Variants in SVBP observed in about 807,000 individuals in gnomAD.
SVBP encodes the protein small vasohibin binding protein, also known as small vasohibin-binding protein.
In SVBP, 9 loss-of-function variants were observed where a neutral mutation model predicts 9.2. The ratio of observed to expected loss-of-function variants is 0.98; its 90% confidence interval spans 0.59 to 1.71. The LOEUF is 1.71. Ranked by LOEUF, SVBP falls within the 40% of genes most tolerant of loss-of-function variation. The probability of loss-of-function intolerance (pLI) is 0.00; values close to 1 mark genes in which losing one functional copy is unlikely to be tolerated. For missense variants in SVBP, 63 were observed against 73.2 expected (o/e 0.86, Z 0.51); for synonymous variants, 27 against 23.9 (o/e 1.13, Z -0.37).
intron 2 of SVBP, among the ~76,000 whole-genome samples, chr1:42,811,555 C>T (rs578195123): frequency 6.6e-6 from 1 of 152,198 alleles, no homozygotes; most frequent in Non-Finnish European, 1.5e-5. Flanking sequence ...ACAATAAGAG[C>T]AGGCTGCCTG....
chr1:42,814,771 G>A (rs1354244021), intron 2 of SVBP, among the ~76,000 whole-genome samples: 1 of 152,190 alleles, frequency 6.6e-6, no homozygotes, highest in African/African-American at 2.4e-5. Context: ...CTGTTGGTGG[G>A]ACTGTAAACT....
chr1:42,811,492 T>C (rs900388214), intron 2 of SVBP, among the ~76,000 whole-genome samples: 1 of 152,134 alleles, frequency 6.6e-6, no homozygotes, highest in Non-Finnish European at 1.5e-5. Flanking sequence ...TGCAGCAACG[T>C]TGCATTTCAG....
intron 2 of SVBP, 99 bp downstream of exon 2, chr1:42,816,332 C>A: frequency 2.3e-6 from 2 of 865,794 alleles, no homozygotes; most frequent in Non-Finnish European, 3.7e-6. Context: ...TGCCTGGAGG[C>A]AAGTATGGCT....
At chr1:42,813,744 C>A in intron 2 of SVBP, 1 of 529,736 alleles carries the variant, frequency 1.9e-6, no homozygotes, top group South Asian at 1.4e-5. Context: ...TTTCTCTGAT[C>A]AATGGTTTTC....
At chr1:42,807,747 C>T (rs1412525265) in intron 2 of SVBP, among the ~76,000 whole-genome samples, 2 of 152,032 alleles carry the variant, frequency 1.3e-5, no homozygotes, top group Admixed American at 1.3e-4. Flanking sequence ...GAAAACAAGT[C>T]TCTTCAGCAA....
intron 2 of SVBP, among the ~76,000 whole-genome samples, chr1:42,810,914 C>T (rs1171141668): frequency 3.9e-5 from 6 of 152,032 alleles, no homozygotes; most frequent in Admixed American, 2.6e-4. Flanking sequence ...CCGAGGTGTG[C>T]GGATCACTTG....
chr1:42,815,300 T>C (rs2124254169), intron 2 of SVBP, among the ~76,000 whole-genome samples: 1 of 150,810 alleles, frequency 6.6e-6, no homozygotes, highest in South Asian at 2.1e-4. Context: ...CACACCAACA[T>C]GGCACATGTA....
Position 42,816,413 on chromosome 1 carries a change from C to G in SVBP, c.114+18G>C, listed in dbSNP as rs1276154344. ...TCCAGCAGACTACAGGCATACAGAGCCTCCGCCTTAATCTCACCTCTGCTC... is the reference window on the plus strand; with the variant it reads ...TCCAGCAGACTACAGGCATACAGAGGCTCCGCCTTAATCTCACCTCTGCTC... On this transcript the variant is annotated intron_variant, in intron 2 of 2. Coordinates refer to ENST00000372521, the MANE Select transcript of SVBP (RefSeq NM_199342.4). The G allele has an allele frequency of 1.3e-6, 2 of 1,545,432 alleles. No homozygotes were observed. Among genetic ancestry groups the G allele is most frequent in the African/African-American group, 1.4e-5 (1 of 73,534 alleles).
chr1:42,815,160 C>A (rs1274215697), intron 2 of SVBP, among the ~76,000 whole-genome samples: 4 of 138,246 alleles, frequency 2.9e-5, no homozygotes, highest in Non-Finnish European at 6.0e-5. Flanking sequence ...TAGGTGGGAA[C>A]TGAACAATGA....
chr1:42,807,400 T>C lies in SVBP; in HGVS notation c.*14A>G. 1 of 1,607,876 alleles carries C rather than the reference T, an allele frequency of 6.2e-7. No individual in the cohort carries two copies. Among genetic ancestry groups the C allele is most frequent in the Non-Finnish European group, 8.5e-7 (1 of 1,174,468 alleles). The stretch of plus-strand genomic sequence containing the variant: ...CAAAGCTCTCAGGATCCCATCTGGT[T>C]TGAACCTGGGGCCTCATTCTCCAGG... On this transcript the variant is annotated 3_prime_UTR_variant, in exon 3 of 3. Coordinates refer to ENST00000372521, the MANE Select transcript of SVBP (RefSeq NM_199342.4).
At chr1:42,812,666 A>C (rs1296496619) in intron 2 of SVBP, among the ~76,000 whole-genome samples, 1 of 152,248 alleles carries the variant, frequency 6.6e-6, no homozygotes, top group East Asian at 1.9e-4. Flanking sequence ...AAAACTTTAC[A>C]CATTATTGAA....
chr1:42,810,424 G>C (rs939060799), intron 2 of SVBP, among the ~76,000 whole-genome samples: 1 of 152,076 alleles, frequency 6.6e-6, no homozygotes, highest in Non-Finnish European at 1.5e-5. Flanking sequence ...GGGATTACAG[G>C]TGTGAGCCAC....
chr1:42,807,542 G>T, intron 2 of SVBP, 42 bp from the exon 3 acceptor site: 3 of 1,442,852 alleles, frequency 2.1e-6, no homozygotes, highest in South Asian at 1.1e-5. Flanking sequence ...AATGGAAGCA[G>T]CTGCACAAAG....
At chr1:42,814,813 T>C (rs1654163931) in intron 2 of SVBP, among the ~76,000 whole-genome samples, 1 of 152,186 alleles carries the variant, frequency 6.6e-6, no homozygotes, top group African/African-American at 2.4e-5. Context: ...AATGTGGTGA[T>C]TCCTCAAGGA....
rs1359922397 is a variant in SVBP at position 42,817,175 on chromosome 1, C to T, written c.-37+15G>A. 34 of 1,238,254 alleles carry T rather than the reference C, an allele frequency of 2.7e-5. No individual in the cohort carries two copies. Among genetic ancestry groups the T allele is most frequent in the Non-Finnish European group, 3.3e-5 (32 of 964,420 alleles). 76.7% of individuals were successfully genotyped at this position (1,238,254 alleles called of 1,614,324 possible). A position where few individuals can be genotyped will look rare whatever the true frequency, so the allele number is the denominator to read the frequency against. ...GTCGCTGGAGCCGCCGACCAAGAGGCTTGGGAGTCTGTACCTTTCCCGACC... is the reference window on the plus strand; with the variant it reads ...GTCGCTGGAGCCGCCGACCAAGAGGTTTGGGAGTCTGTACCTTTCCCGACC... On this transcript the variant is annotated intron_variant, in intron 1 of 2. Coordinates refer to ENST00000372521, the MANE Select transcript of SVBP (RefSeq NM_199342.4).
chr1:42,808,845 C>T (rs1297849597), intron 2 of SVBP, among the ~76,000 whole-genome samples: 6 of 152,050 alleles, frequency 3.9e-5, no homozygotes, highest in Middle Eastern at 3.4e-3. Context: ...TACAGGTGCC[C>T]GCCACCAAAC....
intron 2 of SVBP, among the ~76,000 whole-genome samples, chr1:42,815,150 T>C (rs1654169839): frequency 7.3e-6 from 1 of 137,602 alleles, no homozygotes; most frequent in African/African-American, 2.8e-5. Flanking sequence ...TTCTCACTCA[T>C]AGGTGGGAAC....
intron 2 of SVBP, among the ~76,000 whole-genome samples, chr1:42,808,135 G>A (rs1328947687): frequency 2.8e-5 from 1 of 35,850 alleles, no homozygotes; most frequent in Non-Finnish European, 5.2e-5. Flanking sequence ...TGTGAATATA[G>A]TGTGTGTGTG....
chr1:42,811,165 CA>C (rs1018814588), intron 2 of SVBP, among the ~76,000 whole-genome samples: 1 of 149,434 alleles, frequency 6.7e-6, no homozygotes, highest in African/African-American at 2.5e-5. Flanking sequence ...ACCAACCAAC[CA>C]AACAGAAAAA....
Sources: gnomAD v4.1 joint callset for allele counts (sites outside exome capture counted in the v4.1 genomes callset) on GRCh38, gnomAD v4.1.1 for gene constraint, MANE v1.5 for transcripts, NCBI Gene and HGNC (gene_info 2026-07-23, HGNC 2026-07-21) for gene names.